Variants in ZNF37A observed in about 807,000 individuals in gnomAD.
ZNF37A encodes the protein zinc finger protein 37A, also known as zinc finger protein 37a (KOX 21).
Under a neutral mutation model 12.3 loss-of-function variants are expected in ZNF37A, and 10 were observed. The observed-to-expected ratio is 0.82, with a 90% confidence interval of 0.50 to 1.38. ZNF37A has a LOEUF of 1.38. Ranked by LOEUF, ZNF37A falls within the 40% of genes most tolerant of loss-of-function variation. The pLI is 0.00. For missense variants in ZNF37A, 580 were observed against 651.2 expected (o/e 0.89, Z 1.19); for synonymous variants, 207 against 223.0 (o/e 0.93, Z 0.64).
downstream of ZNF37A, among the ~76,000 whole-genome samples, chr10:38,128,094 A>G (rs912236763): frequency 7.9e-5 from 12 of 152,184 alleles, no homozygotes; most frequent in African/African-American, 2.9e-4. Context: ...TGGAGAATCT[A>G]GAAATTTGCT....
chr10:38,143,760 C>G (rs1398121228), intron 7 of ZNF37A: 1 of 152,242 alleles, frequency 6.6e-6, no homozygotes, highest in Non-Finnish European at 1.5e-5. Context: ...CCTGGACATG[C>G]AGTTCACTGT....
chr10:38,113,685 A>C (rs2069013923), intron 5 of ZNF37A, among the ~76,000 whole-genome samples: 1 of 152,140 alleles, frequency 6.6e-6, no homozygotes. Context: ...TCCCTCTTCC[A>C]CATCTCCACT....
chr10:38,135,111 G>A (rs984410577), intron 7 of ZNF37A, among the ~76,000 whole-genome samples: 5 of 152,318 alleles, frequency 3.3e-5, no homozygotes, highest in Admixed American at 2.0e-4. Flanking sequence ...TCTTGGCTGG[G>A]TGCAGTGGCT....
intron 5 of ZNF37A, among the ~76,000 whole-genome samples, chr10:38,112,274 G>A (rs1165446451): frequency 6.6e-6 from 1 of 152,032 alleles, no homozygotes; most frequent in Non-Finnish European, 1.5e-5. Flanking sequence ...CTTGCACTGA[G>A]CACAGAGATT....
rs1418454375 is a variant in ZNF37A, at chr10:38,121,880, A to G, written c.*3043A>G. On this transcript the variant is annotated 3_prime_UTR_variant, in exon 8 of 8. Transcript: ENST00000685332. The stretch of plus-strand genomic sequence containing the variant: ...TCCACAAAAAAGGGGAACAGGGATG[A>G]TTCCTAGTCAGAGATTGGGAGAAAT... 2 of 152,160 alleles carry G rather than the reference A, an allele frequency of 1.3e-5. No individual in the cohort carries two copies. The highest frequency in any genetic ancestry group is 2.9e-5 in the Non-Finnish European group (2 of 68,014). 9.4% of individuals were successfully genotyped at this position (152,160 alleles called of 1,614,324 possible). A position where few individuals can be genotyped will look rare whatever the true frequency, so the allele number is the denominator to read the frequency against.
chr10:38,116,824 T>C (rs929047933), intron 7 of ZNF37A, among the ~76,000 whole-genome samples: 1 of 152,170 alleles, frequency 6.6e-6, no homozygotes, highest in Non-Finnish European at 1.5e-5. Flanking sequence ...AGAAAAACAA[T>C]TGAGCCAGGT....
Position 38,119,217 on chromosome 10 carries a change from AC to A in ZNF37A, c.*382del, listed in dbSNP as rs1458336389. 1.9e-6 allele frequency: 2 copies of A among 1,033,212 alleles called. No individual in the cohort carries two copies. Among genetic ancestry groups the A allele is most frequent in the African/African-American group, 3.5e-5 (2 of 57,654 alleles). The allele number at this position is 1,033,212 out of a possible 1,614,324, so 64.0% of individuals were successfully genotyped here. A position where few individuals can be genotyped will look rare whatever the true frequency, so the allele number is the denominator to read the frequency against. On this transcript the variant is annotated 3_prime_UTR_variant, in exon 8 of 8. Transcript: ENST00000685332. ...TACCTGAGAAGACACACTTGGAGAAACCTTTTGGGTGTAATGAATGTGGGAA... is the reference window on the plus strand; with the variant it reads ...TACCTGAGAAGACACACTTGGAGAAACTTTTGGGTGTAATGAATGTGGGAA...
intron 5 of ZNF37A, among the ~76,000 whole-genome samples, chr10:38,104,475 T>C (rs1451618165): frequency 6.6e-5 from 10 of 151,974 alleles, no homozygotes; most frequent in African/African-American, 1.4e-4. Context: ...GTTTTTTTTT[T>C]CTTCCCCAGC....
At chr10:38,146,030 G>A (rs750515417) in intron 7 of ZNF37A, among the ~76,000 whole-genome samples, 3 of 152,204 alleles carry the variant, frequency 2.0e-5, no homozygotes, top group Non-Finnish European at 2.9e-5. Flanking sequence ...AACCTGGGAA[G>A]CAGAGATTAC....
chr10:38,102,957 T>A (rs1044047118), intron 5 of ZNF37A, among the ~76,000 whole-genome samples: 7 of 152,184 alleles, frequency 4.6e-5, no homozygotes, highest in African/African-American at 2.4e-5. Context: ...GTTAGTCCCT[T>A]GTCTCTTGCT....
chr10:38,097,561 G>T (rs1271863088), intron 5 of ZNF37A, among the ~76,000 whole-genome samples: 4 of 124,842 alleles, frequency 3.2e-5, no homozygotes, highest in Middle Eastern at 4.7e-3. Context: ...TCCAGCCTGG[G>T]TGACAGAGTG....
At chr10:38,138,569 G>A (rs1236687575) in intron 7 of ZNF37A, 1 of 152,106 alleles carries the variant, frequency 6.6e-6, no homozygotes, top group African/African-American at 2.4e-5. Flanking sequence ...ACTTATATTG[G>A]ACTAAGGTTA....
chr10:38,113,205 A>ATTTTTTTTTTTTTTTTTTTT (rs71007697), intron 5 of ZNF37A, among the ~76,000 whole-genome samples: 2 of 75,832 alleles, frequency 2.6e-5, no homozygotes, highest in Admixed American at 1.9e-4. Flanking sequence ...TTAGTCTGTG[A>ATTTTTTTTTTTTTTTTTTTT]TTTTTTTTTT....
chr10:38,094,829 T>C (rs2474570), intron 1 of ZNF37A, 102 bp from the exon 2 acceptor site: 73,454 of 152,110 alleles, frequency 0.48, 17,902 homozygotes, highest in East Asian at 0.54. Context: ...CCGAGGCGAA[T>C]GGGGTGGGGG....
In ZNF37A at chr10:38,131,513, C is replaced by A. The variant is rs368304158; in HGVS notation, c.239-15219C>A. Among the ~76,000 whole-genome samples the A allele has an allele frequency of 9.8e-4, 150 of 152,302 alleles. 5 individuals carry two copies. The South Asian group carries it at 0.031, about 31-fold the overall frequency. ...AATTCACCATATATTTGAAGCTTTA[C>A]TTCTGGGATCTCCATTGCATTGATT... On this transcript the variant is annotated intron_variant, in intron 7 of 7. Transcript: ENST00000638053.
chr10:38,129,084 A>C (rs946745206), downstream of ZNF37A, among the ~76,000 whole-genome samples: 7 of 151,572 alleles, frequency 4.6e-5, no homozygotes, highest in African/African-American at 1.7e-4. Context: ...TTCTGTGAGC[A>C]CTCAGTAACT....
chr10:38,141,702 T>A (rs1402359928), intron 7 of ZNF37A: 1 of 152,212 alleles, frequency 6.6e-6, no homozygotes, highest in Non-Finnish European at 1.5e-5. Context: ...TATAGTTACA[T>A]GAGATGTTAA....
intron 5 of ZNF37A, among the ~76,000 whole-genome samples, chr10:38,098,678 G>A (rs1396878265): frequency 6.6e-6 from 1 of 152,034 alleles, no homozygotes; most frequent in Non-Finnish European, 1.5e-5. Context: ...AAATGCTATT[G>A]TAAATTATAT....
At chr10:38,136,515 T>C (rs1372399684) in intron 7 of ZNF37A, among the ~76,000 whole-genome samples, 2 of 152,226 alleles carry the variant, frequency 1.3e-5, no homozygotes, top group East Asian at 1.9e-4. Flanking sequence ...TCATGAGGAA[T>C]TGGCTGATAA....
Sources: allele counts gnomAD v4.1 joint callset (sites outside exome capture counted in the v4.1 genomes callset), GRCh38; gene constraint gnomAD v4.1.1; transcripts MANE v1.5; gene names NCBI Gene and HGNC (gene_info 2026-07-23, HGNC 2026-07-21).